HS3ST4: variants seen among roughly 807,000 people sequenced by gnomAD.
HS3ST4 encodes heparan sulfate-glucosamine 3-sulfotransferase 4.
HS3ST4 carries 17 observed loss-of-function variants against 29.2 expected under a neutral mutation model. The observed-to-expected ratio is 0.58, with a 90% confidence interval of 0.40 to 0.87. HS3ST4 has a LOEUF of 0.87. HS3ST4 is among the 40% of genes least tolerant of loss of function. HS3ST4 has a pLI of 0.00. For synonymous variants in HS3ST4, 314 were observed against 285.7 expected, an observed-to-expected ratio of 1.10 and a Z score of -1.00; for missense variants, 627 against 634.5, an observed-to-expected ratio of 0.99 and a Z score of 0.13.
rs1567257206 is a variant in HS3ST4, at chr16:25,857,962, TTCTTTCTTTCTCTTTTCTG to T, written c.734+164821_734+164839del. On this transcript the variant is annotated intron_variant, in intron 1 of 1. Coordinates refer to ENST00000331351, the MANE Select transcript of HS3ST4 (RefSeq NM_006040.3). ...TTTCTTTCTTTCTTTCTTTCTTTCTTTCTTTCTTTCTCTTTTCTGTCTTTCTTTTTCTTCCTTCTTTTCT... is the reference window on the plus strand; with the variant it reads ...TTTCTTTCTTTCTTTCTTTCTTTCTTTCTTTCTTTTTCTTCCTTCTTTTCT... Among the ~76,000 whole-genome samples the T allele has an allele frequency of 5.9e-4, 36 of 60,978 alleles. 2 individuals are homozygous for T. Among genetic ancestry groups the T allele is most frequent in the African/African-American group, 2.5e-3 (35 of 13,728 alleles). The allele number at this position is 60,978 out of a possible 152,430, so 40.0% of individuals were successfully genotyped here. A position where few individuals can be genotyped will look rare whatever the true frequency, so the allele number is the denominator to read the frequency against.
At chr16:25,902,093 C>T (rs2141673797) in intron 1 of HS3ST4, among the ~76,000 whole-genome samples, 1 of 152,272 alleles carries the variant, frequency 6.6e-6, no homozygotes, top group South Asian at 2.1e-4. Flanking sequence ...CCCATTTCTT[C>T]CTCACCTATC....
intron 1 of HS3ST4, among the ~76,000 whole-genome samples, chr16:25,911,105 A>G (rs1968234140): frequency 6.6e-6 from 1 of 152,198 alleles, no homozygotes; most frequent in Admixed American, 6.5e-5. Flanking sequence ...GAGAAATATG[A>G]AGACATTCCC....
chr16:25,948,905 A>G (rs1968656644), intron 1 of HS3ST4, among the ~76,000 whole-genome samples: 1 of 152,172 alleles, frequency 6.6e-6, no homozygotes, highest in Non-Finnish European at 1.5e-5. Flanking sequence ...AAGACTTAAT[A>G]TCTTGCCAAT....
intron 1 of HS3ST4, among the ~76,000 whole-genome samples, chr16:25,971,846 G>A (rs986414020): frequency 7.2e-5 from 11 of 152,190 alleles, no homozygotes; most frequent in African/African-American, 1.2e-4. Context: ...TGTGAGAATC[G>A]CTTGAACCTG....
intron 1 of HS3ST4, among the ~76,000 whole-genome samples, chr16:25,783,471 G>GTTT (rs34694041): frequency 5.5e-5 from 8 of 146,392 alleles, no homozygotes; most frequent in Non-Finnish European, 7.5e-5. Context: ...GCCAATTCTA[G>GTTT]TTTTTTTTTT....
chr16:25,986,269 C>G (rs1455285116), intron 1 of HS3ST4, among the ~76,000 whole-genome samples: 1 of 152,166 alleles, frequency 6.6e-6, no homozygotes, highest in African/African-American at 2.4e-5. Flanking sequence ...TTTATTACTG[C>G]CATATCCCCA....
chr16:25,895,264 C>G (rs1968048745), intron 1 of HS3ST4, among the ~76,000 whole-genome samples: 1 of 151,942 alleles, frequency 6.6e-6, no homozygotes, highest in Non-Finnish European at 1.5e-5. Flanking sequence ...TAATGTATGA[C>G]CAGGTAGAGG....
At chr16:26,065,986 CAT>C (rs1396151594) in intron 1 of HS3ST4, among the ~76,000 whole-genome samples, 88 of 152,350 alleles carry the variant, frequency 5.8e-4, no homozygotes, top group African/African-American at 2.0e-3. Context: ...TAATAAGACA[CAT>C]GTCTGCCCAT....
intron 1 of HS3ST4, among the ~76,000 whole-genome samples, chr16:25,774,915 T>C (rs1966846211): frequency 6.6e-6 from 1 of 152,226 alleles, no homozygotes; most frequent in Non-Finnish European, 1.5e-5. Flanking sequence ...ACACCTTTGC[T>C]TCATAATGCC....
intron 1 of HS3ST4, among the ~76,000 whole-genome samples, chr16:26,054,269 G>GGAGAGAGAGAGAGAGAGAGAGA (rs58364733): frequency 6.7e-5 from 9 of 133,722 alleles, no homozygotes; most frequent in African/African-American, 2.6e-4. Flanking sequence ...ACAGAGAGAG[G>GGAGAGAGAGAGAGAGAGAGAGA]GAGAGAGAGA....
At position 25,707,812 on chromosome 16, in the gene HS3ST4, A is replaced by G. The variant is rs188442487; in HGVS notation, c.734+14661A>G. On this transcript the variant is annotated intron_variant, in intron 1 of 1. Transcript: ENST00000331351. The stretch of plus-strand genomic sequence containing the variant: ...GCACTTGCTGCTTCCACCACTTACA[A>G]TGTTTCTTTGCATTAGATAATTGCA... 1.8e-4 allele frequency among the ~76,000 whole-genome samples: 27 copies of G among 152,212 alleles called. No individual in the cohort carries two copies. In the East Asian group the frequency reaches 2.7e-3, roughly 15 times the overall value.
At chr16:25,814,503 T>C (rs912564626) in intron 1 of HS3ST4, among the ~76,000 whole-genome samples, 38 of 152,192 alleles carry the variant, frequency 2.5e-4, no homozygotes, top group Middle Eastern at 3.4e-3. Flanking sequence ...CACACCACCA[T>C]GCCCAGCTAA....
Position 26,135,834 on chromosome 16 carries a change from G to T in HS3ST4, c.957G>T (p.Arg319=), listed in dbSNP as rs1283148337. The change falls in exon 2 of 2, where the codon CGG becomes CGT. Residue 319 remains arginine, a synonymous_variant. Transcript: ENST00000331351. ...PTFEVLAFKN[R]TLGLIDASWS... ...TTGAGGTGCTGGCCTTCAAAAACCGGACCCTCGGGCTGATCGATGCTTCCT... is the reference window on the plus strand; with the variant it reads ...TTGAGGTGCTGGCCTTCAAAAACCGTACCCTCGGGCTGATCGATGCTTCCT... The T allele has an allele frequency of 6.2e-7, 1 of 1,614,004 alleles. No homozygotes were observed.
chr16:25,976,922 A>C (rs1968949230), intron 1 of HS3ST4, among the ~76,000 whole-genome samples: 1 of 25,318 alleles, frequency 3.9e-5, no homozygotes, highest in African/African-American at 1.1e-4. Flanking sequence ...AATTGCATGT[A>C]ATTTTCACGT....
At chr16:25,896,295 G>T (rs34093470) in intron 1 of HS3ST4, among the ~76,000 whole-genome samples, 43,705 of 152,042 alleles carry the variant, frequency 0.29, 6,561 homozygotes, top group African/African-American at 0.31. Flanking sequence ...CCCTCATTTT[G>T]CTTAACCTTT....
intron 1 of HS3ST4, among the ~76,000 whole-genome samples, chr16:25,904,040 A>G (rs1596609257): frequency 1.3e-5 from 2 of 152,316 alleles, no homozygotes; most frequent in South Asian, 4.1e-4. Context: ...TGGGTAGATT[A>G]GTGATGAAAC....
chr16:26,036,241 A>G (rs748219379), intron 1 of HS3ST4, among the ~76,000 whole-genome samples: 17 of 152,380 alleles, frequency 1.1e-4, no homozygotes, highest in South Asian at 4.1e-4. Context: ...AAGGCACTCA[A>G]TATACACACT....
chr16:25,804,082 C>T (rs966988730), intron 1 of HS3ST4, among the ~76,000 whole-genome samples: 6 of 152,034 alleles, frequency 3.9e-5, no homozygotes, highest in Non-Finnish European at 8.8e-5. Flanking sequence ...TTTTCTAGCC[C>T]TCAGTTTCAT....
chr16:25,948,026 A>T (rs1968646692), intron 1 of HS3ST4, among the ~76,000 whole-genome samples: 1 of 152,216 alleles, frequency 6.6e-6, no homozygotes, highest in Non-Finnish European at 1.5e-5. Context: ...TATTATTAAT[A>T]TATGTTCGTA....
Sources: allele counts gnomAD v4.1 joint callset (sites outside exome capture counted in the v4.1 genomes callset), GRCh38; gene constraint gnomAD v4.1.1; transcripts MANE v1.5; gene names NCBI Gene and HGNC (gene_info 2026-07-23, HGNC 2026-07-21).